Variants in GAS7 observed in about 807,000 individuals in gnomAD.
GAS7 encodes the protein growth arrest specific 7.
Under a neutral mutation model 71.1 loss-of-function variants are expected in GAS7, and 28 were observed. That is an observed-to-expected ratio of 0.39 (90% CI 0.29 to 0.54). GAS7 has a LOEUF of 0.54. GAS7 is among the 20% of genes least tolerant of loss of function. The pLI, the probability that GAS7 is intolerant of heterozygous loss-of-function variation, is 0.62. For missense variants in GAS7, 436 were observed against 627.8 expected (o/e 0.69, Z 3.27); for synonymous variants, 258 against 245.8 (o/e 1.05, Z -0.46).
rs144636800 is a variant in GAS7, at chr17:10,056,770, C to T, written c.184-36873G>A. On this transcript the variant is annotated intron_variant, in intron 1 of 13. Coordinates refer to ENST00000432992, the MANE Select transcript of GAS7 (RefSeq NM_201433.2). ...TCCCTCCCCACGATCTCCCTCCCCACGATCTCCCTCTCCCTCTCTTTCCAC... is the reference window on the plus strand; with the variant it reads ...TCCCTCCCCACGATCTCCCTCCCCATGATCTCCCTCTCCCTCTCTTTCCAC... Among the ~76,000 whole-genome samples, 335 of 152,022 alleles carry T rather than the reference C, an allele frequency of 2.2e-3. 1 individual carries two copies. Among genetic ancestry groups the T allele is most frequent in the African/African-American group, 7.3e-3 (304 of 41,462 alleles).
At chr17:9,943,056 C>CCGGCCA in intron 7 of GAS7, 65 bp downstream of exon 7, 1 of 1,051,934 alleles carries the variant, frequency 9.5e-7, no homozygotes, top group East Asian at 2.4e-5. Flanking sequence ...TCGCCCCGCC[C>CCGGCCA]CGGCCACGGG....
At chr17:10,191,609 G>A (rs1163314960) in intron 1 of GAS7, among the ~76,000 whole-genome samples, 1 of 149,506 alleles carries the variant, frequency 6.7e-6, no homozygotes, top group Non-Finnish European at 1.5e-5. Flanking sequence ...GGGCACGGTG[G>A]CTCACGCCTG....
intron 1 of GAS7, among the ~76,000 whole-genome samples, chr17:10,105,050 T>C (rs1207251619): frequency 6.6e-6 from 1 of 152,208 alleles, no homozygotes. Context: ...TTTTCTGCTC[T>C]TCCCCTCCAG....
In GAS7 at chr17:9,912,804, C is replaced by A. The variant is rs2067473740; in HGVS notation, c.*4424G>T. 4.3e-6 allele frequency: 1 copy of A among 232,714 alleles called. No homozygotes were observed. Among genetic ancestry groups the A allele is most frequent in the Non-Finnish European group, 8.5e-6 (1 of 117,682 alleles). The allele number at this position is 232,714 out of a possible 1,614,324, so 14.4% of individuals were successfully genotyped here. On this transcript the variant is annotated 3_prime_UTR_variant, in exon 14 of 14. Coordinates refer to ENST00000432992, the MANE Select transcript of GAS7 (RefSeq NM_201433.2). Reference sequence around the variant, plus strand: ...CAAGTTGAAGACCCTGGGCCAAGAACTTCCAGGGCGAAAGGCTCAGTGTAA... The same window carrying A: ...CAAGTTGAAGACCCTGGGCCAAGAAATTCCAGGGCGAAAGGCTCAGTGTAA...
At chr17:10,121,241 C>T (rs975090300) in intron 1 of GAS7, among the ~76,000 whole-genome samples, 15 of 152,030 alleles carry the variant, frequency 9.9e-5, no homozygotes, top group East Asian at 1.9e-4. Flanking sequence ...ATTAGCCGGA[C>T]GTGGTGGCAT....
intron 2 of GAS7, among the ~76,000 whole-genome samples, chr17:9,993,688 G>A (rs2070929385): frequency 6.6e-6 from 1 of 150,574 alleles, no homozygotes; most frequent in Non-Finnish European, 1.5e-5. Context: ...AGGGCAATTA[G>A]GCAGGAGAAG....
At chr17:10,071,989 GAA>G (rs1218467728) in intron 1 of GAS7, among the ~76,000 whole-genome samples, 3 of 151,748 alleles carry the variant, frequency 2.0e-5, no homozygotes, top group Non-Finnish European at 4.4e-5. Context: ...GTTGTCTCTT[GAA>G]AAGTCAGGTG....
chr17:10,131,818 C>A (rs1266253006), intron 1 of GAS7, among the ~76,000 whole-genome samples: 1 of 151,780 alleles, frequency 6.6e-6, no homozygotes, highest in African/African-American at 2.4e-5. Context: ...TAGACGGGCT[C>A]GAGAATGAAT....
intron 1 of GAS7, among the ~76,000 whole-genome samples, chr17:10,154,325 C>T (rs1266367556): frequency 6.6e-6 from 1 of 151,164 alleles, no homozygotes; most frequent in East Asian, 2.0e-4. Flanking sequence ...ATAGAGAGAC[C>T]TTGTCTCTAC....
rs537032524 is a variant in GAS7, at chr17:9,912,988, C to A, written c.*4240G>T. The A allele has an allele frequency of 4.3e-6, 1 of 232,848 alleles. No individual in the cohort carries two copies. Among genetic ancestry groups the A allele is most frequent in the Admixed American group, 5.6e-5 (1 of 17,788 alleles). 14.4% of individuals were successfully genotyped at this position (232,848 alleles called of 1,614,324 possible). ...CATCAGTGTGACTCCATTTATATGACATTCTAGAAAAGGCAAAATTATAGG... is the reference window on the plus strand; with the variant it reads ...CATCAGTGTGACTCCATTTATATGAAATTCTAGAAAAGGCAAAATTATAGG... On this transcript the variant is annotated 3_prime_UTR_variant, in exon 14 of 14. Coordinates refer to ENST00000432992, the MANE Select transcript of GAS7 (RefSeq NM_201433.2).
At chr17:10,186,187 G>C (rs2074451731) in intron 1 of GAS7, among the ~76,000 whole-genome samples, 1 of 151,620 alleles carries the variant, frequency 6.6e-6, no homozygotes, top group African/African-American at 2.4e-5. Context: ...TCGATCTCCT[G>C]ATCTTGTGAT....
intron 2 of GAS7, among the ~76,000 whole-genome samples, chr17:10,014,874 G>T (rs531102603): frequency 2.4e-4 from 37 of 152,224 alleles, no homozygotes; most frequent in African/African-American, 8.9e-4. Flanking sequence ...AGATTAGCCA[G>T]CCAGGTGCGG....
chr17:10,185,100 A>G (rs1465618511), intron 1 of GAS7, among the ~76,000 whole-genome samples: 1 of 151,958 alleles, frequency 6.6e-6, no homozygotes, highest in African/African-American at 2.4e-5. Flanking sequence ...TCATTTGTGT[A>G]TTTTTAGTAG....
chr17:10,084,505 C>T (rs2073495166), intron 1 of GAS7, among the ~76,000 whole-genome samples: 1 of 152,096 alleles, frequency 6.6e-6, no homozygotes, highest in Non-Finnish European at 1.5e-5. Context: ...TCGCTCTTGT[C>T]CCCCAGGCTG....
Position 9,914,988 on chromosome 17 carries a change from T to C in GAS7, c.*2240A>G, listed in dbSNP as rs2067544168. The C allele has an allele frequency of 4.3e-6, 1 of 232,416 alleles. No homozygotes were observed. Among genetic ancestry groups the C allele is most frequent in the East Asian group, 6.1e-5 (1 of 16,480 alleles). The allele number at this position is 232,416 out of a possible 1,614,324, so 14.4% of individuals were successfully genotyped here. On this transcript the variant is annotated 3_prime_UTR_variant, in exon 14 of 14. Transcript: ENST00000432992. ...TTCCCTGACGACAGGGCCATTATAG[T>C]GTCCTCAGATTAGATCTTAGCACAA...
intron 1 of GAS7, among the ~76,000 whole-genome samples, chr17:10,134,997 T>G (rs1194935682): frequency 6.6e-6 from 1 of 151,936 alleles, no homozygotes; most frequent in African/African-American, 2.4e-5. Flanking sequence ...CACGCCCGGG[T>G]AATTCTTGTA....
chr17:9,969,087 C>T lies in GAS7; in HGVS notation c.471+590G>A, dbSNP rs956243980. Among the ~76,000 whole-genome samples, 1 of 152,204 alleles carries T rather than the reference C, an allele frequency of 6.6e-6. No individual in the cohort carries two copies. Among genetic ancestry groups the T allele is most frequent in the African/African-American group, 2.4e-5 (1 of 41,442 alleles). ...TAATCCTGTGAGCCTGCACAGGTCA[C>T]AAAACCAGTTGGAGCCTCGGTGACC... is the stretch of plus-strand genomic sequence containing the variant. On this transcript the variant is annotated intron_variant, in intron 4 of 13. Transcript: ENST00000432992. The surrounding 1 kb of genome is among the most constrained non-coding windows in gnomAD (Gnocchi z 5.5).
At position 9,919,150 on chromosome 17, in the gene GAS7, T is replaced by C. The variant is rs149081048; in HGVS notation, c.1218+476A>G. Among the ~76,000 whole-genome samples the C allele has an allele frequency of 2.2e-4, 32 of 148,204 alleles. 1 individual carries two copies. Among genetic ancestry groups the C allele is most frequent in the African/African-American group, 7.3e-4 (30 of 40,898 alleles). ...AAATACTCAAGAGCATCATCGGCCC[T>C]GCCGCCTGTTGTTCACCCTTGGTGA... On this transcript the variant is annotated intron_variant, in intron 12 of 13. Transcript: ENST00000432992. This position sits in a 1 kb window ranked among gnomAD's most constrained non-coding sequence, Gnocchi z 5.0.
chr17:10,070,698 C>T lies in GAS7; in HGVS notation c.184-50801G>A, dbSNP rs189784025. ...TCTCTTTCTGTTTTCATGGGTTCTG[C>T]TCAGCTTACCAGGCTACTAGCCTGG... On this transcript the variant is annotated intron_variant, in intron 1 of 13. Transcript: ENST00000432992. Among the ~76,000 whole-genome samples the T allele has an allele frequency of 3.7e-3, 565 of 151,986 alleles. 2 individuals are homozygous for T. The highest frequency in any genetic ancestry group is 0.012 in the African/African-American group (514 of 41,480).
Sources: allele counts gnomAD v4.1 joint callset (sites outside exome capture counted in the v4.1 genomes callset), GRCh38; gene constraint gnomAD v4.1.1; non-coding constraint Gnocchi (gnomAD v3.1); transcripts MANE v1.5; gene names NCBI Gene and HGNC (gene_info 2026-07-23, HGNC 2026-07-21).